Variants in PDE4D observed in about 807,000 individuals in gnomAD.
PDE4D encodes the protein 3',5'-cyclic-AMP phosphodiesterase 4D.
In PDE4D, 24 loss-of-function variants were observed where a neutral mutation model predicts 87.4. The observed-to-expected ratio is 0.27, with a 90% CI of 0.20 to 0.39. The LOEUF is 0.39. Among genes scored for constraint, PDE4D ranks in the 10% least tolerant of loss-of-function variants. The pLI is 1.00. For synonymous variants in PDE4D, 384 were observed against 383.2 expected (o/e 1.00, Z -0.02); for missense variants, 714 against 1,041.0 (o/e 0.69, Z 4.32).
intron 5 of PDE4D, among the ~76,000 whole-genome samples, chr5:59,068,959 A>G (rs540701838): frequency 3.0e-4 from 45 of 152,314 alleles, no homozygotes; most frequent in South Asian, 1.7e-3. Context: ...GAACATTTCA[A>G]CTTGACCTGG....
chr5:59,200,048 T>C (rs886714585), intron 2 of PDE4D, among the ~76,000 whole-genome samples: 37 of 98,812 alleles, frequency 3.7e-4, no homozygotes, highest in East Asian at 2.3e-3. Context: ...CACACGTATG[T>C]ACACACATGC....
chr5:59,783,742 C>T (rs1341377615), intron 1 of PDE4D, among the ~76,000 whole-genome samples: 2 of 152,188 alleles, frequency 1.3e-5, no homozygotes, highest in African/African-American at 4.8e-5. Flanking sequence ...GATCCTGGAA[C>T]ATTCCATGTA....
chr5:59,810,052 A>C (rs1173933431), intron 1 of PDE4D, among the ~76,000 whole-genome samples: 1 of 152,222 alleles, frequency 6.6e-6, no homozygotes. Flanking sequence ...TAGAAACCCA[A>C]AGATAATTGT....
At chr5:59,947,254 C>G (rs767957674) in intron 3 of PDE4D, among the ~76,000 whole-genome samples, 3 of 152,178 alleles carry the variant, frequency 2.0e-5, no homozygotes, top group Non-Finnish European at 4.4e-5. Context: ...GTAGAGAGCA[C>G]TTTGCCGTCT....
chr5:59,252,158 A>G (rs371031403), intron 1 of PDE4D, among the ~76,000 whole-genome samples: 35 of 152,210 alleles, frequency 2.3e-4, no homozygotes, highest in East Asian at 1.9e-3. Context: ...CTTCACATGT[A>G]CCCCCAAACC....
At chr5:59,687,778 T>C (rs1227729722) in intron 1 of PDE4D, among the ~76,000 whole-genome samples, 5 of 152,076 alleles carry the variant, frequency 3.3e-5, no homozygotes, top group African/African-American at 1.2e-4. Context: ...ACTGGCAAAT[T>C]GGATAAAGAG....
intron 5 of PDE4D, among the ~76,000 whole-genome samples, chr5:59,178,748 CT>C (rs1184719344): frequency 6.6e-6 from 1 of 152,324 alleles, no homozygotes; most frequent in East Asian, 1.9e-4. Context: ...TGACCTCAAG[CT>C]AAAAAAGCTT....
chr5:59,317,679 G>C (rs896080124), intron 1 of PDE4D, among the ~76,000 whole-genome samples: 1 of 152,118 alleles, frequency 6.6e-6, no homozygotes, highest in Non-Finnish European at 1.5e-5. Context: ...ACCAGCAGAA[G>C]ACTACATGAG....
intron 1 of PDE4D, among the ~76,000 whole-genome samples, chr5:60,222,811 A>G (rs577215290): frequency 2.6e-5 from 4 of 152,266 alleles, no homozygotes; most frequent in African/African-American, 9.6e-5. Context: ...GACTGTTAAT[A>G]AGCATTAACC....
intron 5 of PDE4D, among the ~76,000 whole-genome samples, chr5:59,043,381 T>G (rs1049279420): frequency 2.6e-5 from 4 of 151,918 alleles, no homozygotes; most frequent in Non-Finnish European, 5.9e-5. Flanking sequence ...ATACTAGCCG[T>G]GCATGGTGGC....
intron 1 of PDE4D, among the ~76,000 whole-genome samples, chr5:59,597,340 G>A (rs1480584577): frequency 1.3e-5 from 2 of 152,290 alleles, no homozygotes; most frequent in East Asian, 3.9e-4. Flanking sequence ...AATGCACAGA[G>A]TGGCGTTAAC....
At chr5:60,061,451 A>T (rs531310358) in intron 2 of PDE4D, among the ~76,000 whole-genome samples, 1 of 152,190 alleles carries the variant, frequency 6.6e-6, no homozygotes, top group Non-Finnish European at 1.5e-5. Flanking sequence ...CAAATGGAAA[A>T]ACATCCCATG....
chr5:59,135,011 G>A (rs974463192), intron 5 of PDE4D, among the ~76,000 whole-genome samples: 5 of 152,104 alleles, frequency 3.3e-5, no homozygotes, highest in African/African-American at 1.2e-4. Context: ...CAGCTATTGG[G>A]TTGCAATGAG....
chr5:59,466,085 ATGCTG>A, intron 1 of PDE4D, among the ~76,000 whole-genome samples: 1 of 152,330 alleles, frequency 6.6e-6, no homozygotes, highest in African/African-American at 2.4e-5. Context: ...TTACTTTTGA[ATGCTG>A]GCTCTAGAAA....
In PDE4D at chr5:60,003,340, T is replaced by C. The variant is rs568912611; in HGVS notation, c.43-14623A>G. Among the ~76,000 whole-genome samples the C allele has an allele frequency of 2.0e-5, 3 of 152,202 alleles. No homozygotes were observed. The East Asian group carries it at 5.8e-4, about 29-fold the overall frequency. On this transcript the variant is annotated intron_variant, in intron 2 of 16. Transcript: ENST00000502484. ...AATCCTTATCAAAATTTCAATGGAATTTTTCACAGAAATAGAGAAAACCAT... is the reference window on the plus strand; with the variant it reads ...AATCCTTATCAAAATTTCAATGGAACTTTTCACAGAAATAGAGAAAACCAT...
At chr5:60,346,992 A>G (rs780114844) in intron 1 of PDE4D, among the ~76,000 whole-genome samples, 10 of 152,120 alleles carry the variant, frequency 6.6e-5, no homozygotes, top group Non-Finnish European at 1.0e-4. Flanking sequence ...TAGAGAGAAG[A>G]GTTTCCTGCT....
intron 1 of PDE4D, among the ~76,000 whole-genome samples, chr5:59,619,189 C>A (rs893820280): frequency 6.6e-6 from 1 of 151,902 alleles, no homozygotes; most frequent in African/African-American, 2.4e-5. Context: ...TTAATAAAAT[C>A]TGATGTCACT....
At chr5:60,169,125 A>G (rs1158946763) in intron 2 of PDE4D, among the ~76,000 whole-genome samples, 2 of 152,168 alleles carry the variant, frequency 1.3e-5, no homozygotes, top group African/African-American at 2.4e-5. Flanking sequence ...TTAATCTCCA[A>G]GAACTATTTC....
intron 3 of PDE4D, among the ~76,000 whole-genome samples, chr5:59,966,327 A>T (rs1005563839): frequency 6.6e-6 from 1 of 152,190 alleles, no homozygotes; most frequent in Non-Finnish European, 1.5e-5. Context: ...TAATAGAAAG[A>T]CAAACTCCAG....
Sources: allele counts gnomAD v4.1 joint callset (sites outside exome capture counted in the v4.1 genomes callset), GRCh38; gene constraint gnomAD v4.1.1; transcripts MANE v1.5; gene names NCBI Gene and HGNC (gene_info 2026-07-23, HGNC 2026-07-21).